The following ROBO1 variants were observed in gnomAD, a reference collection of about 807,000 sequenced individuals.
ROBO1 encodes the protein roundabout guidance receptor 1, also known as roundabout homolog 1.
A neutral mutation model predicts 195.9 loss-of-function variants in ROBO1; 149 were observed. The ratio of observed to expected loss-of-function variants is 0.76; its 90% CI spans 0.67 to 0.87. ROBO1 has a LOEUF of 0.87. Among genes scored for constraint, ROBO1 ranks in the 40% least tolerant of loss-of-function variants. ROBO1 has a pLI of 0.00. For missense variants in ROBO1, 1,933 were observed against 2,068.3 expected, an observed-to-expected ratio of 0.93 and a Z score of 1.27; for synonymous variants, 816 against 733.2, an observed-to-expected ratio of 1.11 and a Z score of -1.82.
At chr3:79,699,043 C>A (rs988397632) in intron 1 of ROBO1, among the ~76,000 whole-genome samples, 1 of 149,410 alleles carries the variant, frequency 6.7e-6, no homozygotes, top group Non-Finnish European at 1.5e-5. Context: ...AAAGAGAGAT[C>A]ATTAAAGGAC....
intron 2 of ROBO1, among the ~76,000 whole-genome samples, chr3:79,577,760 A>G (rs11923211): frequency 0.017 from 2,553 of 148,426 alleles, 46 homozygotes; most frequent in Middle Eastern, 0.074. Context: ...ACACACACAC[A>G]AAATTGCTGG....
chr3:78,939,491 A>G (rs1200753299), intron 3 of ROBO1, among the ~76,000 whole-genome samples: 2 of 150,472 alleles, frequency 1.3e-5, no homozygotes, highest in Non-Finnish European at 3.0e-5. Context: ...GGTGGCGGAC[A>G]CCTGAAGTCC....
At chr3:78,946,800 T>C (rs939455479) in intron 3 of ROBO1, among the ~76,000 whole-genome samples, 9 of 152,036 alleles carry the variant, frequency 5.9e-5, no homozygotes, top group African/African-American at 1.5e-4. Flanking sequence ...GAGACACACA[T>C]AGGCTCAAAA....
chr3:78,667,842 G>A, intron 14 of ROBO1, 41 bp downstream of exon 14: 1 of 1,574,856 alleles, frequency 6.3e-7, no homozygotes, highest in South Asian at 1.1e-5. Flanking sequence ...TAACATCTAA[G>A]GATAAGTAGG....
At chr3:79,458,268 T>C (rs1335137900) in intron 2 of ROBO1, among the ~76,000 whole-genome samples, 1 of 152,136 alleles carries the variant, frequency 6.6e-6, no homozygotes, top group African/African-American at 2.4e-5. Flanking sequence ...GCAGAGAAGG[T>C]AGACCTCACA....
At position 79,513,711 on chromosome 3, in the gene ROBO1, A is replaced by G. The variant is rs781235985; in HGVS notation, c.88+76113T>C. Among the ~76,000 whole-genome samples, 30 of 10,976 alleles carry G rather than the reference A, an allele frequency of 2.7e-3. No homozygotes were observed. The African/African-American group carries it at 0.083, about 30-fold the overall frequency. The allele number at this position is 10,976 out of a possible 152,430, so 7.2% of individuals were successfully genotyped here. A position where few individuals can be genotyped will look rare whatever the true frequency, so the allele number is the denominator to read the frequency against. On this transcript the variant is annotated intron_variant, in intron 2 of 30. Transcript: ENST00000464233. ...TAAAAATAACCTGAATTTGCCATGG[A>G]AAAAAAAAAATCCCATTCTTTGTGC...
At chr3:79,517,210 C>T (rs1337643809) in intron 2 of ROBO1, among the ~76,000 whole-genome samples, 2 of 152,168 alleles carry the variant, frequency 1.3e-5, no homozygotes, top group Non-Finnish European at 2.9e-5. Context: ...TCCTGTCACT[C>T]CTGGGTTCAT....
At chr3:79,332,142 CAAAAAAA>C (rs1255212741) in intron 2 of ROBO1, among the ~76,000 whole-genome samples, 6 of 47,174 alleles carry the variant, frequency 1.3e-4, no homozygotes, top group Non-Finnish European at 2.1e-4. Flanking sequence ...GACTCCGTCT[CAAAAAAA>C]GAAAAAAAAA....
intron 2 of ROBO1, among the ~76,000 whole-genome samples, chr3:79,320,904 C>T (rs80118181): frequency 1.3e-5 from 2 of 152,036 alleles, no homozygotes; most frequent in Non-Finnish European, 2.9e-5. Context: ...TTACATTTGT[C>T]ACCTCATATA....
chr3:79,585,581 T>C (rs910640225), intron 2 of ROBO1, among the ~76,000 whole-genome samples: 1 of 151,878 alleles, frequency 6.6e-6, no homozygotes, highest in African/African-American at 2.4e-5. Flanking sequence ...AAAACAAGTA[T>C]CTCCAAATAA....
At chr3:79,260,390 T>C (rs2082917837) in intron 2 of ROBO1, among the ~76,000 whole-genome samples, 2 of 152,092 alleles carry the variant, frequency 1.3e-5, no homozygotes, top group South Asian at 2.1e-4. Context: ...ATCTACGTTG[T>C]ATATCTGCAT....
In ROBO1 at chr3:79,037,345, T is replaced by C. The variant is rs142621352; in HGVS notation, c.172+88111A>G. Among the ~76,000 whole-genome samples the C allele has an allele frequency of 9.8e-5, 15 of 152,296 alleles. No individual in the cohort carries two copies. In the East Asian group the frequency reaches 2.7e-3, roughly 27 times the overall value. On this transcript the variant is annotated intron_variant, in intron 3 of 30. Transcript: ENST00000464233. ...TATATTTCAAATAATTCCTCTTCCA[T>C]TTCATTTTTATTCTCCTCTGAACCA...
At chr3:79,018,464 TC>T (rs1392006367) in intron 3 of ROBO1, 1 of 1,613,712 alleles carries the variant, frequency 6.2e-7, no homozygotes, top group Non-Finnish European at 8.5e-7. Flanking sequence ...GCAATCATTG[TC>T]CTCGGGTGGA....
chr3:79,755,534 C>T (rs773044409), intron 1 of ROBO1, among the ~76,000 whole-genome samples: 2 of 152,078 alleles, frequency 1.3e-5, no homozygotes, highest in Admixed American at 6.5e-5. Flanking sequence ...TAAGTACCCT[C>T]GAGCATCATC....
intron 5 of ROBO1, among the ~76,000 whole-genome samples, chr3:78,726,245 T>C (rs1309716045): frequency 6.6e-6 from 1 of 152,112 alleles, no homozygotes; most frequent in Non-Finnish European, 1.5e-5. Flanking sequence ...ATCAAAACAA[T>C]GAATAATAGA....
At chr3:78,621,486 G>A (rs1704453651) in intron 26 of ROBO1, among the ~76,000 whole-genome samples, 1 of 152,128 alleles carries the variant, frequency 6.6e-6, no homozygotes, top group Admixed American at 6.6e-5. Flanking sequence ...AACAAGGGCT[G>A]GCTTTTAACT....
chr3:78,890,818 A>G (rs1249728059), intron 4 of ROBO1, among the ~76,000 whole-genome samples: 1 of 152,098 alleles, frequency 6.6e-6, no homozygotes, highest in Non-Finnish European at 1.5e-5. Flanking sequence ...CTGGAGTGCT[A>G]TAGCACAATC....
chr3:79,010,807 T>C lies in ROBO1; in HGVS notation c.173-71880A>G, dbSNP rs558398951. Among the ~76,000 whole-genome samples, 9 of 152,304 alleles carry C rather than the reference T, an allele frequency of 5.9e-5. No homozygotes were observed. The South Asian group carries it at 1.2e-3, about 21-fold the overall frequency. On this transcript the variant is annotated intron_variant, in intron 3 of 30. Coordinates refer to ENST00000464233, the MANE Select transcript of ROBO1 (RefSeq NM_002941.4). ...TTCAATCTGAATTCATGGAGATTAA[T>C]AGCAATGATCTTGTCAGTGAATGCC... is the stretch of plus-strand genomic sequence containing the variant.
intron 18 of ROBO1, among the ~76,000 whole-genome samples, chr3:78,655,706 A>ATT (rs1706965281): frequency 6.6e-6 from 1 of 152,184 alleles, no homozygotes; most frequent in Non-Finnish European, 1.5e-5. Flanking sequence ...GTGTTTCTTA[A>ATT]TTTTGTTTTG....
Sources: gnomAD v4.1 joint callset for allele counts (sites outside exome capture counted in the v4.1 genomes callset) on GRCh38, gnomAD v4.1.1 for gene constraint, MANE v1.5 for transcripts, NCBI Gene and HGNC (gene_info 2026-07-23, HGNC 2026-07-21) for gene names.